NRG3: variants seen among roughly 807,000 people sequenced by gnomAD.
The protein encoded by NRG3 is neuregulin 3, also known as pro-neuregulin-3, membrane-bound isoform.
In NRG3, 31 loss-of-function variants were observed where a neutral mutation model predicts 66.9. The observed-to-expected ratio is 0.46, with a 90% CI of 0.35 to 0.63. The LOEUF (loss-of-function observed/expected upper bound fraction) is 0.63, where lower values mean the gene tolerates loss of function less well. NRG3 is among the 20% of genes least tolerant of loss of function. The probability of loss-of-function intolerance (pLI) is 0.00; values close to 1 mark genes in which losing one functional copy is unlikely to be tolerated. For missense variants in NRG3, 910 were observed against 878.9 expected (o/e 1.04, Z -0.45); for synonymous variants, 393 against 359.4 (o/e 1.09, Z -1.06).
chr10:82,754,562 AT>A (rs893277030), intron 3 of NRG3, among the ~76,000 whole-genome samples: 2 of 151,606 alleles, frequency 1.3e-5, no homozygotes, highest in Non-Finnish European at 2.9e-5. Flanking sequence ...GCAGATAAAG[AT>A]TGCTTTGCTT....
intron 1 of NRG3, among the ~76,000 whole-genome samples, chr10:81,938,639 GTGCA>G (rs1012552152): frequency 4.3e-4 from 66 of 151,780 alleles, no homozygotes; most frequent in African/African-American, 1.4e-3. Flanking sequence ...GTGTGTGTGT[GTGCA>G]TGCATGCATG....
intron 4 of NRG3, among the ~76,000 whole-genome samples, chr10:82,883,644 C>G (rs1397524237): frequency 6.6e-6 from 1 of 152,090 alleles, no homozygotes; most frequent in Non-Finnish European, 1.5e-5. Context: ...AGATAATTAT[C>G]TTGGCTTCTC....
At chr10:82,641,226 T>G (rs1225402459) in intron 2 of NRG3, among the ~76,000 whole-genome samples, 1 of 152,184 alleles carries the variant, frequency 6.6e-6, no homozygotes, top group Non-Finnish European at 1.5e-5. Flanking sequence ...AAATTGTTGC[T>G]AATCACTAAA....
chr10:82,426,931 A>G (rs534171394), intron 2 of NRG3, among the ~76,000 whole-genome samples: 3 of 152,214 alleles, frequency 2.0e-5, no homozygotes, highest in African/African-American at 7.2e-5. Flanking sequence ...GATTACAGGC[A>G]TAAGCCACTG....
At chr10:82,884,399 A>C (rs1842561797) in intron 4 of NRG3, among the ~76,000 whole-genome samples, 1 of 152,204 alleles carries the variant, frequency 6.6e-6, no homozygotes, top group Non-Finnish European at 1.5e-5. Flanking sequence ...TATTGAGGAA[A>C]TAAAGTTTAA....
chr10:82,623,756 C>G (rs1224602280), intron 2 of NRG3, among the ~76,000 whole-genome samples: 1 of 152,126 alleles, frequency 6.6e-6, no homozygotes, highest in East Asian at 1.9e-4. Context: ...AATATATAGT[C>G]CCTACCCAGT....
At chr10:82,797,738 T>A (rs2060859483) in intron 3 of NRG3, among the ~76,000 whole-genome samples, 1 of 152,150 alleles carries the variant, frequency 6.6e-6, no homozygotes, top group South Asian at 2.1e-4. Flanking sequence ...TCTCATCTGC[T>A]AGTGATGTTG....
chr10:82,895,411 A>G (rs1843555552), intron 4 of NRG3, among the ~76,000 whole-genome samples: 1 of 152,240 alleles, frequency 6.6e-6, no homozygotes, highest in African/African-American at 2.4e-5. Flanking sequence ...AACATGAAAC[A>G]TTAAACAAGA....
intron 1 of NRG3, among the ~76,000 whole-genome samples, chr10:82,301,641 TCA>T (rs1210172174): frequency 2.0e-5 from 3 of 150,000 alleles, no homozygotes; most frequent in African/African-American, 4.9e-5. Context: ...ATTTATACAT[TCA>T]GTTTCCATTT....
At chr10:82,340,516 A>T (rs2082631283) in intron 1 of NRG3, among the ~76,000 whole-genome samples, 1 of 152,238 alleles carries the variant, frequency 6.6e-6, no homozygotes, top group Non-Finnish European at 1.5e-5. Flanking sequence ...AATAAGAGCT[A>T]AAACTATTAA....
In NRG3 at chr10:82,901,509, C is replaced by T. The variant is rs538123447; in HGVS notation, c.1054+36072C>T. On this transcript the variant is annotated intron_variant, in intron 4 of 8. Coordinates refer to ENST00000372141, the MANE Select transcript of NRG3 (RefSeq NM_001010848.4). ...TTCCTACACAAATGCCCAGAGGCCT[C>T]CTCATTCTCAGGTACTGCTCTCTGC... Among the ~76,000 whole-genome samples the T allele has an allele frequency of 2.0e-4, 31 of 152,284 alleles. 1 individual carries two copies. The South Asian group carries it at 4.3e-3, about 21-fold the overall frequency.
At chr10:82,639,247 A>C (rs1377537385) in intron 2 of NRG3, among the ~76,000 whole-genome samples, 1 of 152,154 alleles carries the variant, frequency 6.6e-6, no homozygotes, top group Non-Finnish European at 1.5e-5. Context: ...TCTGTGCTGC[A>C]TAGATGGTGA....
At chr10:82,349,318 C>T (rs907109637) in intron 1 of NRG3, among the ~76,000 whole-genome samples, 1 of 151,888 alleles carries the variant, frequency 6.6e-6, no homozygotes, top group Non-Finnish European at 1.5e-5. Context: ...GTTGGAATAC[C>T]CTGCCTTGTG....
chr10:82,025,272 A>G lies in NRG3; in HGVS notation c.823+149109A>G, dbSNP rs1175869172. ...TTTTATATCTTACACTTTGATATAA[A>G]GAAATATAAGAAATATATATAAGAA... is the stretch of plus-strand genomic sequence containing the variant. On this transcript the variant is annotated intron_variant, in intron 1 of 8. Transcript: ENST00000372141. Among the ~76,000 whole-genome samples the G allele has an allele frequency of 2.7e-5, 4 of 150,770 alleles. No homozygotes were observed. The East Asian group carries it at 7.7e-4, about 29-fold the overall frequency.
chr10:82,211,759 C>A (rs1278004821), intron 1 of NRG3, among the ~76,000 whole-genome samples: 3 of 152,144 alleles, frequency 2.0e-5, no homozygotes, highest in South Asian at 2.1e-4. Flanking sequence ...GTGTGTAGAG[C>A]CTTCCACATG....
At chr10:82,634,302 G>A (rs2133755178) in intron 2 of NRG3, among the ~76,000 whole-genome samples, 1 of 152,140 alleles carries the variant, frequency 6.6e-6, no homozygotes, top group Middle Eastern at 3.4e-3. Flanking sequence ...GGGTGAAGAA[G>A]ACACAAGGCA....
In NRG3 at chr10:81,906,105, A is replaced by C. The variant is rs189973597; in HGVS notation, c.823+29942A>C. On this transcript the variant is annotated intron_variant, in intron 1 of 8. Transcript: ENST00000372141. ...GTACTTACCTCACAAAGTTTTTGTA[A>C]GAATTTAATGGCTGTTGCAATTAAC... 3.2e-3 allele frequency among the ~76,000 whole-genome samples: 492 copies of C among 152,284 alleles called. 3 individuals carry two copies. The highest frequency in any genetic ancestry group is 0.011 in the African/African-American group (455 of 41,558).
At chr10:82,482,756 T>C (rs112973090) in intron 2 of NRG3, among the ~76,000 whole-genome samples, 203 of 152,304 alleles carry the variant, frequency 1.3e-3, no homozygotes, top group Non-Finnish European at 2.4e-3. Context: ...GATAGTCATC[T>C]CTACTTAGGC....
At chr10:82,794,413 T>G (rs2135393528) in intron 3 of NRG3, among the ~76,000 whole-genome samples, 1 of 152,336 alleles carries the variant, frequency 6.6e-6, no homozygotes, top group African/African-American at 2.4e-5. Flanking sequence ...AACCAAAATT[T>G]ATTCCTTGGC....
Sources: gnomAD v4.1 joint callset for allele counts (sites outside exome capture counted in the v4.1 genomes callset) on GRCh38, gnomAD v4.1.1 for gene constraint, MANE v1.5 for transcripts, NCBI Gene and HGNC (gene_info 2026-07-23, HGNC 2026-07-21) for gene names.